The following ZNF880 variants were observed in gnomAD, a reference collection of about 807,000 sequenced individuals.
ZNF880 encodes the protein zinc finger protein LOC400713.
In ZNF880, 12 loss-of-function variants were observed where a neutral mutation model predicts 11.8. The ratio of observed to expected loss-of-function variants is 1.02; its 90% CI spans 0.65 to 1.65. The LOEUF is 1.65. Among genes scored for constraint, ZNF880 ranks in the 40% most tolerant of loss-of-function variants. The pLI is 0.00. For missense variants in ZNF880, 601 were observed against 673.9 expected (o/e 0.89, Z 1.20); for synonymous variants, 210 against 232.4 (o/e 0.90, Z 0.88).
chr19:52,379,271 C>T (rs1223472779), intron 3 of ZNF880: 1 of 316,882 alleles, frequency 3.2e-6, no homozygotes, highest in Non-Finnish European at 6.2e-6. Flanking sequence ...CACTTATATA[C>T]ACTCCAGGAG....
At chr19:52,369,770 A>G (rs707312), upstream of ZNF880, 500,405 of 624,974 alleles carry the variant, frequency 0.8, 201,676 homozygotes, top group African/African-American at 0.88. Flanking sequence ...CTCTGCCGGG[A>G]CACAATCTAT....
chr19:52,378,437 G>A (rs964887877), intron 3 of ZNF880, among the ~76,000 whole-genome samples: 1 of 151,876 alleles, frequency 6.6e-6, no homozygotes, highest in African/African-American at 2.4e-5. Flanking sequence ...AAAGTCAGGG[G>A]ATCGAAACCA....
chr19:52,388,008 T>A (rs552367884), downstream of ZNF880, among the ~76,000 whole-genome samples: 3 of 137,654 alleles, frequency 2.2e-5, 1 homozygote, highest in Admixed American at 2.2e-4. Context: ...GCCTCCCAAA[T>A]AACTGTGACT....
chr19:52,374,778 G>A, intron 3 of ZNF880: 1 of 540,752 alleles, frequency 1.8e-6, no homozygotes, highest in Non-Finnish European at 3.3e-6. Flanking sequence ...CTGTTGCCCA[G>A]GCTGGAGTGT....
In ZNF880 at chr19:52,385,601, A is replaced by G. The variant is rs1986862323; in HGVS notation, c.*287A>G. On this transcript the variant is annotated 3_prime_UTR_variant, in exon 4 of 4. Transcript: ENST00000422689. ...TATTCAAGGACCATTACTATGGAAC[A>G]TGATAAGATTTACACAAGCGATAAT... The G allele has an allele frequency of 3.6e-6, 1 of 275,332 alleles. No homozygotes were observed. Among genetic ancestry groups the G allele is most frequent in the Admixed American group, 5.3e-5 (1 of 18,758 alleles). The allele number at this position is 275,332 out of a possible 1,614,324, so 17.1% of individuals were successfully genotyped here.
In ZNF880 at chr19:52,369,982, G is replaced by A. The variant is rs953275889; in HGVS notation, c.12+5G>A. 1 of 1,551,492 alleles carries A rather than the reference G, an allele frequency of 6.4e-7. No homozygotes were observed. The highest frequency in any genetic ancestry group is 1.4e-5 in the African/African-American group (1 of 73,028). On this transcript the variant is annotated splice_donor_5th_base_variant and intron_variant, in intron 1 of 3. Transcript: ENST00000422689. ...GTGACGGTCATGCTGCGGCGTGTGA[G>A]TTTCCCTTTGTTTAGATTAAATCTG...
upstream of ZNF880, among the ~76,000 whole-genome samples, chr19:52,369,254 C>G (rs564438411): frequency 2.7e-5 from 4 of 148,722 alleles, no homozygotes; most frequent in East Asian, 2.1e-4. Context: ...CCCAGCTACT[C>G]GGGAGACTGA....
chr19:52,378,264 C>T (rs998786463), intron 3 of ZNF880, among the ~76,000 whole-genome samples: 14 of 152,156 alleles, frequency 9.2e-5, no homozygotes, highest in African/African-American at 3.4e-4. Context: ...TTCAGTTGTG[C>T]TTTGTCCATA....
At chr19:52,370,256 C>T in intron 1 of ZNF880, 1 of 480,912 alleles carries the variant, frequency 2.1e-6, no homozygotes. Context: ...CTAGACACGG[C>T]CCGCGCTGCG....
chr19:52,385,526 CAT>C lies in ZNF880; in HGVS notation c.*214_*215del. ...CCTGCCAAATGACTAGATATCAAAA[CAT>C]ACATCTTGGATGAAACCATACAGAT... is the stretch of plus-strand genomic sequence containing the variant. On this transcript the variant is annotated 3_prime_UTR_variant, in exon 4 of 4. Transcript: ENST00000422689. 3.4e-6 allele frequency: 2 copies of C among 581,118 alleles called. No homozygotes were observed. Among genetic ancestry groups the C allele is most frequent in the South Asian group, 4.6e-5 (2 of 43,682 alleles). 36.0% of individuals were successfully genotyped at this position (581,118 alleles called of 1,614,324 possible).
At chr19:52,387,090 TTTTC>T (rs755258068), downstream of ZNF880, among the ~76,000 whole-genome samples, 28 of 144,454 alleles carry the variant, frequency 1.9e-4, 2 homozygotes, top group Admixed American at 1.4e-3. Context: ...TGCAATTTGG[TTTTC>T]TTTGTCTTCA....
intron 3 of ZNF880, chr19:52,374,809 C>T: frequency 2.2e-6 from 1 of 460,588 alleles, no homozygotes; most frequent in South Asian, 2.4e-5. Context: ...TGATCGTAGC[C>T]CGTGTACCCT....
Position 52,384,144 on chromosome 19 carries a change from G to C in ZNF880, c.564G>C (p.Glu188Asp). ...QIREKPCECN[E>D]HGKAFRVSSR... ...GGGAAAAACCGTGTGAATGTAATGA[G>C]CATGGCAAAGCCTTTAGAGTGTCTT... is the stretch of plus-strand genomic sequence containing the variant. The change falls in exon 4 of 4, where the codon GAG becomes GAC. Residue 188 changes from glutamate (E) to aspartate (D), a missense_variant. Glu to Asp is a conservative substitution (Grantham distance 45). Around this residue, in one of 3 missense-constraint regions of ZNF880, gnomAD observed 420 missense variants for 442.6 expected, o/e 0.95. Coordinates refer to ENST00000422689, the MANE Select transcript of ZNF880 (RefSeq NM_001145434.2). 1 of 1,605,584 alleles carries C rather than the reference G, an allele frequency of 6.2e-7. No individual in the cohort carries two copies. The highest frequency in any genetic ancestry group is 1.3e-5 in the African/African-American group (1 of 74,862).
At chr19:52,388,282 C>CTTTTTTTTTTTTTTTTTTTTTTTTTT (rs68179783), downstream of ZNF880, among the ~76,000 whole-genome samples, 3 of 63,414 alleles carry the variant, frequency 4.7e-5, 1 homozygote, top group Non-Finnish European at 7.9e-5. Flanking sequence ...GCAATTTGAA[C>CTTTTTTTTTTTTTTTTTTTTTTTTTT]TTTTTTTTTT....
Position 52,374,457 on chromosome 19 carries a change from C to T in ZNF880, c.268+30C>T, listed in dbSNP as rs778123796. The T allele has an allele frequency of 1.9e-6, 3 of 1,587,374 alleles. No individual in the cohort carries two copies. The Admixed American group carries it at 5.4e-5, about 29-fold the overall frequency. On this transcript the variant is annotated intron_variant, in intron 3 of 3. Coordinates refer to ENST00000422689, the MANE Select transcript of ZNF880 (RefSeq NM_001145434.2). ...GAGCTTGGATGGCCAGAGTGGAGGCCCCATAATTTTTTTTTTTTTTAAACA... is the reference window on the plus strand; with the variant it reads ...GAGCTTGGATGGCCAGAGTGGAGGCTCCATAATTTTTTTTTTTTTTAAACA...
the ZNF880 span, among the ~76,000 whole-genome samples, chr19:52,393,682 T>C: frequency 6.6e-6 from 1 of 152,054 alleles, no homozygotes; most frequent in Admixed American, 6.6e-5. Context: ...GTCAGATTTG[T>C]ATAATTCATA....
At chr19:52,376,496 G>GCCCCCC (rs772625389) in intron 3 of ZNF880, among the ~76,000 whole-genome samples, 4 of 51,192 alleles carry the variant, frequency 7.8e-5, no homozygotes, top group Non-Finnish European at 1.4e-4. Context: ...CCTTAGCACC[G>GCCCCCC]CCCCCCCCCC....
In ZNF880 at chr19:52,373,265, A is replaced by G. The variant is rs146884365; in HGVS notation, c.139+28A>G. 257 of 1,597,868 alleles carry G rather than the reference A, an allele frequency of 1.6e-4. No individual in the cohort carries two copies. In the African/African-American group the frequency reaches 3.1e-3, roughly 20 times the overall value. On this transcript the variant is annotated intron_variant, in intron 2 of 3. Coordinates refer to ENST00000422689, the MANE Select transcript of ZNF880 (RefSeq NM_001145434.2). ...GAGGATAATGTCCCTTCAGAAGTCA[A>G]GATCTGCCCTGGTGTATTTTTGCAT...
chr19:52,375,392 A>G (rs1986523884), intron 3 of ZNF880, among the ~76,000 whole-genome samples: 1 of 151,606 alleles, frequency 6.6e-6, no homozygotes, highest in Admixed American at 6.6e-5. Context: ...GGGTTTCACC[A>G]TGTTGACCAA....
Sources: gnomAD v4.1 joint callset for allele counts (sites outside exome capture counted in the v4.1 genomes callset) on GRCh38, gnomAD v4.1.1 for gene constraint, gnomAD v4.1.1 regional missense constraint, MANE v1.5 for transcripts, NCBI Gene and HGNC (gene_info 2026-07-23, HGNC 2026-07-21) for gene names.